MARCHF1: variants seen among roughly 807,000 people sequenced by gnomAD.
The protein encoded by MARCHF1 is membrane associated ring-CH-type finger 1.
MARCHF1 carries 40 observed loss-of-function variants against 54.2 expected under a neutral mutation model. The ratio of observed to expected loss-of-function variants is 0.74; its 90% CI spans 0.57 to 0.96. The LOEUF (loss-of-function observed/expected upper bound fraction) is 0.96. MARCHF1 is among the 40% of genes least tolerant of loss of function. The probability of loss-of-function intolerance (pLI) is 0.00; values close to 1 mark genes in which losing one functional copy is unlikely to be tolerated. For synonymous variants in MARCHF1, 236 were observed against 236.3 expected (o/e 1.00, Z 0.01); for missense variants, 586 against 656.5 (o/e 0.89, Z 1.17).
chr4:164,259,379 C>T (rs1044263387), intron 1 of MARCHF1, among the ~76,000 whole-genome samples: 1 of 151,294 alleles, frequency 6.6e-6, no homozygotes, highest in Non-Finnish European at 1.5e-5. Flanking sequence ...CCCATCTGTA[C>T]TAAAAATACA....
rs565874106 is a variant in MARCHF1 at position 164,124,937 on chromosome 4, C to T, written c.-322-13275G>A. Among the ~76,000 whole-genome samples, 15 of 152,120 alleles carry T rather than the reference C, an allele frequency of 9.9e-5. No homozygotes were observed. In the East Asian group the frequency reaches 2.3e-3, roughly 23 times the overall value. ...ATTTTAAAATAACTTAGAGTATAAT[C>T]GGATTGTTTGTAACTCAAAGGACAA... On this transcript the variant is annotated intron_variant, in intron 1 of 9. Coordinates refer to ENST00000514618, the MANE Select transcript of MARCHF1 (RefSeq NM_001394959.1).
chr4:163,742,483 T>C (rs936157443), intron 4 of MARCHF1, among the ~76,000 whole-genome samples: 1 of 151,376 alleles, frequency 6.6e-6, no homozygotes, highest in African/African-American at 2.4e-5. Context: ...TCCTTTCCTT[T>C]TCTTTTTTCT....
At chr4:163,635,429 A>C (rs1026532344) in intron 5 of MARCHF1, among the ~76,000 whole-genome samples, 135 of 150,656 alleles carry the variant, frequency 9.0e-4, no homozygotes, top group African/African-American at 3.3e-3. Context: ...CCGATCCCAC[A>C]GAAATACAAA....
At chr4:164,057,144 G>T (rs1475105336) in intron 2 of MARCHF1, among the ~76,000 whole-genome samples, 1 of 152,134 alleles carries the variant, frequency 6.6e-6, no homozygotes, top group East Asian at 1.9e-4. Flanking sequence ...CTTTAAACAA[G>T]GAGCTTTATA....
At chr4:163,686,000 T>A (rs141963099) in intron 5 of MARCHF1, among the ~76,000 whole-genome samples, 2 of 152,262 alleles carry the variant, frequency 1.3e-5, no homozygotes, top group African/African-American at 4.8e-5. Flanking sequence ...TAAGTCTTAG[T>A]TTCATAATCT....
At chr4:163,835,233 C>G (rs571312715) in intron 4 of MARCHF1, among the ~76,000 whole-genome samples, 80 of 152,186 alleles carry the variant, frequency 5.3e-4, no homozygotes, top group Non-Finnish European at 8.7e-4. Flanking sequence ...TCCATCATAA[C>G]TACCAGGATA....
chr4:164,077,736 A>T (rs903039711), intron 2 of MARCHF1, among the ~76,000 whole-genome samples: 2 of 152,198 alleles, frequency 1.3e-5, no homozygotes, highest in Non-Finnish European at 2.9e-5. Flanking sequence ...GAACAGACAC[A>T]TCTCAAAAGA....
At chr4:163,571,036 A>G (rs1207335744) in intron 8 of MARCHF1, among the ~76,000 whole-genome samples, 2 of 152,058 alleles carry the variant, frequency 1.3e-5, no homozygotes, top group Non-Finnish European at 2.9e-5. Flanking sequence ...GGTAATCTTT[A>G]TGCATCTTTC....
chr4:164,359,299 G>A (rs1006716326), intron 1 of MARCHF1, among the ~76,000 whole-genome samples: 7 of 152,122 alleles, frequency 4.6e-5, no homozygotes, highest in South Asian at 2.1e-4. Flanking sequence ...TCTTTCTCTC[G>A]TTTGCCACTG....
chr4:163,927,906 A>T (rs1579398429), intron 3 of MARCHF1, among the ~76,000 whole-genome samples: 1 of 151,928 alleles, frequency 6.6e-6, no homozygotes, highest in South Asian at 2.1e-4. Context: ...AAGATTTAAA[A>T]TTTTTTCTCT....
chr4:163,861,810 C>T (rs1295430710), intron 3 of MARCHF1, among the ~76,000 whole-genome samples: 1 of 151,992 alleles, frequency 6.6e-6, no homozygotes, highest in African/African-American at 2.4e-5. Flanking sequence ...ACTCACACTA[C>T]CCAGTTCCAA....
At chr4:164,054,450 A>T (rs1214956669) in intron 2 of MARCHF1, among the ~76,000 whole-genome samples, 1 of 152,070 alleles carries the variant, frequency 6.6e-6, no homozygotes, top group African/African-American at 2.4e-5. Flanking sequence ...ACTATAAATC[A>T]TGCTGCTATA....
chr4:164,055,345 G>A (rs1754466630), intron 2 of MARCHF1: 1 of 152,082 alleles, frequency 6.6e-6, no homozygotes, highest in Non-Finnish European at 1.5e-5. Flanking sequence ...TCTGGAGGCT[G>A]AGGTGGGAGG....
At chr4:163,816,580 G>A (rs1442451645) in intron 4 of MARCHF1, among the ~76,000 whole-genome samples, 1 of 152,016 alleles carries the variant, frequency 6.6e-6, no homozygotes, top group African/African-American at 2.4e-5. Context: ...ATAAATGAAT[G>A]TGTCAGCCAG....
intron 2 of MARCHF1, among the ~76,000 whole-genome samples, chr4:164,051,012 T>C (rs532039852): frequency 6.6e-6 from 1 of 152,292 alleles, no homozygotes; most frequent in South Asian, 2.1e-4. Flanking sequence ...ACTACTATTC[T>C]AACTCGCATT....
intron 9 of MARCHF1, among the ~76,000 whole-genome samples, chr4:163,539,247 C>A (rs1241954263): frequency 3.3e-5 from 5 of 152,104 alleles, no homozygotes; most frequent in African/African-American, 4.8e-5. Flanking sequence ...TCTTGAACTC[C>A]TGACCTTAAG....
At chr4:164,228,451 T>C (rs1732317824) in intron 1 of MARCHF1, among the ~76,000 whole-genome samples, 3 of 152,192 alleles carry the variant, frequency 2.0e-5, no homozygotes, top group Admixed American at 2.0e-4. Context: ...GAAAAGTTCT[T>C]TATAGTAGTT....
intron 3 of MARCHF1, among the ~76,000 whole-genome samples, chr4:163,977,237 G>A (rs1752665994): frequency 6.6e-6 from 1 of 152,012 alleles, no homozygotes; most frequent in Non-Finnish European, 1.5e-5. Context: ...TACCAAGTCA[G>A]TCAGGAAAAT....
At chr4:164,145,331 C>A (rs909683099) in intron 1 of MARCHF1, among the ~76,000 whole-genome samples, 1 of 152,038 alleles carries the variant, frequency 6.6e-6, no homozygotes, top group African/African-American at 2.4e-5. Context: ...ATGAGGCCAG[C>A]ATCATCCTGA....
Sources: gnomAD v4.1 joint callset for allele counts (sites outside exome capture counted in the v4.1 genomes callset) on GRCh38, gnomAD v4.1.1 for gene constraint, MANE v1.5 for transcripts, NCBI Gene and HGNC (gene_info 2026-07-23, HGNC 2026-07-21) for gene names.